The following ZNF614 variants were observed in gnomAD, a reference collection of about 807,000 sequenced individuals.
ZNF614 encodes zinc finger protein 614.
ZNF614 carries 11 observed loss-of-function variants against 12.8 expected under a neutral mutation model. The observed-to-expected ratio is 0.86, with a 90% confidence interval of 0.54 to 1.43. The LOEUF is 1.43. ZNF614 is among the 40% of genes most tolerant of loss of function. The pLI, the probability that ZNF614 is intolerant of heterozygous loss-of-function variation, is 0.00. For missense variants in ZNF614, 664 were observed against 708.8 expected, an observed-to-expected ratio of 0.94 and a Z score of 0.72; for synonymous variants, 237 against 237.5, an observed-to-expected ratio of 1.00 and a Z score of 0.02.
intron 2 of ZNF614, among the ~76,000 whole-genome samples, chr19:52,022,029 G>A (rs2086935701): frequency 6.6e-6 from 1 of 152,158 alleles, no homozygotes; most frequent in Non-Finnish European, 1.5e-5. Flanking sequence ...ACTGGTGAAT[G>A]GGAAAATGCA....
At position 52,025,860 on chromosome 19, in the gene ZNF614, A is replaced by T. The variant is rs1330106448; in HGVS notation, c.-115T>A. The T allele has an allele frequency of 9.1e-7, 1 of 1,103,904 alleles. No homozygotes were observed. The highest frequency in any genetic ancestry group is 1.3e-6 in the Non-Finnish European group (1 of 752,738). The allele number at this position is 1,103,904 out of a possible 1,614,324, so 68.4% of individuals were successfully genotyped here. On this transcript the variant is annotated 5_prime_UTR_variant, in exon 2 of 5. Transcript: ENST00000270649. ...GTCAGAAATATTAGTGTCCACTTAA[A>T]GTTGTCCCCAGAAATTATGATATCC...
rs148404144 is a variant in ZNF614 at position 52,020,212 on chromosome 19, A to G, written c.16-1718T>C. On this transcript the variant is annotated intron_variant, in intron 2 of 4. Coordinates refer to ENST00000270649, the MANE Select transcript of ZNF614 (RefSeq NM_025040.4). ...TGCCCTCACTTCAGACACAAGCTGCAAGCTTAAGGCTACACAGACCACCCT... is the reference window on the plus strand; with the variant it reads ...TGCCCTCACTTCAGACACAAGCTGCGAGCTTAAGGCTACACAGACCACCCT... Among the ~76,000 whole-genome samples, 144 of 152,330 alleles carry G rather than the reference A, an allele frequency of 9.5e-4. 1 individual carries two copies. In the East Asian group the frequency reaches 0.022, roughly 23 times the overall value.
At chr19:52,018,521 T>A (rs150698225) in intron 2 of ZNF614, 27 bp from the exon 3 acceptor site, 281 of 1,602,000 alleles carry the variant, frequency 1.8e-4, no homozygotes, top group Non-Finnish European at 2.4e-4. Context: ...CTATTCAATA[T>A]GATATAAACT....
intron 1 of ZNF614, among the ~76,000 whole-genome samples, chr19:52,026,345 A>G (rs769551792): frequency 7.2e-5 from 11 of 152,172 alleles, no homozygotes; most frequent in Non-Finnish European, 1.3e-4. Flanking sequence ...CCTAGCTCCA[A>G]CCCTATGCTA....
Position 52,014,707 on chromosome 19 carries a change from C to G in ZNF614, c.*1133G>C, listed in dbSNP as rs1247900931. 4 of 152,138 alleles carry G rather than the reference C, an allele frequency of 2.6e-5. No individual in the cohort carries two copies. The highest frequency in any genetic ancestry group is 1.9e-4 in the East Asian group (1 of 5,192). 9.4% of individuals were successfully genotyped at this position (152,138 alleles called of 1,614,324 possible). On this transcript the variant is annotated 3_prime_UTR_variant, in exon 5 of 5. Transcript: ENST00000270649. ...TCTTAATCTCATTGTCTAATCTAAT[C>G]TCCAGCACCCCTCCCCTTCCAGGAG...
chr19:52,023,389 G>A (rs996044789), intron 2 of ZNF614, among the ~76,000 whole-genome samples: 15 of 151,920 alleles, frequency 9.9e-5, no homozygotes, highest in African/African-American at 9.7e-5. Context: ...GGATGGTCTC[G>A]ATCTCTTGAC....
chr19:52,020,520 C>T (rs1266907132), intron 2 of ZNF614, among the ~76,000 whole-genome samples: 1 of 152,154 alleles, frequency 6.6e-6, no homozygotes. Context: ...AGAGTACTTG[C>T]CAGCCAGCGA....
At position 52,018,432 on chromosome 19, in the gene ZNF614, G is replaced by A; in HGVS notation, c.78C>T (p.Asp26=). 1 of 1,614,138 alleles carries A rather than the reference G, an allele frequency of 6.2e-7. No homozygotes were observed. The highest frequency in any genetic ancestry group is 8.5e-7 in the Non-Finnish European group (1 of 1,179,998). The change falls in exon 3 of 5, where the codon GAC becomes GAT. Residue 26 remains aspartate (D), a synonymous_variant. Transcript: ENST00000270649. ...EFSWEEWQLL[D]TAQKNLYRDV... ...CCCGGTACAGGTTCTTCTGAGCAGT[G>A]TCCAGGAGCTGCCACTCCTCCCAGC...
rs1263680821 is a variant in ZNF614, at chr19:52,025,551, T to C, written c.15+180A>G. 2.0e-5 allele frequency among the ~76,000 whole-genome samples: 3 copies of C among 152,152 alleles called. No homozygotes were observed. The East Asian group carries it at 5.8e-4, about 29-fold the overall frequency. ...GTTGCCCAGGCTGGTCTTGAACTCC[T>C]GAGCTCAAGCGATCCAGAATCTACT... On this transcript the variant is annotated intron_variant, in intron 2 of 4. Transcript: ENST00000270649.
chr19:52,023,127 C>T (rs1269341575), intron 2 of ZNF614, among the ~76,000 whole-genome samples: 8 of 149,426 alleles, frequency 5.4e-5, no homozygotes, highest in African/African-American at 1.2e-4. Flanking sequence ...ACAGCCTGGG[C>T]GACAGAGCGA....
At position 52,016,653 on chromosome 19, in the gene ZNF614, A is replaced by G. The variant is rs775707826; in HGVS notation, c.945T>C (p.Tyr315=). The G allele has an allele frequency of 1.6e-5, 26 of 1,614,160 alleles. No individual in the cohort carries two copies. Among genetic ancestry groups the G allele is most frequent in the East Asian group, 2.2e-5 (1 of 44,882 alleles). Residue 315 remains tyrosine (Y), a synonymous_variant, in exon 5 of 5, where the codon TAT becomes TAC. Transcript: ENST00000270649. ...HQRTHSGEKP[Y]VCKECGKGFT... The stretch of plus-strand genomic sequence containing the variant: ...AACCTTTTCCACATTCTTTGCACAC[A>G]TAAGGTTTCTCTCCACTATGAGTTC...
At chr19:52,023,644 G>T (rs2123127085) in intron 2 of ZNF614, among the ~76,000 whole-genome samples, 1 of 152,224 alleles carries the variant, frequency 6.6e-6, no homozygotes, top group East Asian at 1.9e-4. Flanking sequence ...TATTTCTCAG[G>T]AAGAAATTCC....
chr19:52,022,488 G>A (rs1029986550), intron 2 of ZNF614, among the ~76,000 whole-genome samples: 3 of 152,092 alleles, frequency 2.0e-5, no homozygotes, highest in Non-Finnish European at 4.4e-5. Flanking sequence ...CCCTCCAAGT[G>A]TGAAGTGACA....
At chr19:52,021,847 T>C (rs150429795) in intron 2 of ZNF614, among the ~76,000 whole-genome samples, 1 of 152,000 alleles carries the variant, frequency 6.6e-6, no homozygotes, top group Non-Finnish European at 1.5e-5. Flanking sequence ...AAAAGAGAAG[T>C]AAGACTCTAG....
At chr19:52,018,530 C>T (rs1209594830) in intron 2 of ZNF614, 36 bp from the exon 3 acceptor site, 3 of 1,583,918 alleles carry the variant, frequency 1.9e-6, no homozygotes, top group Non-Finnish European at 2.6e-6. Flanking sequence ...ATGATATAAA[C>T]TCCTATTGTT....
rs74934042 is a variant in ZNF614, at chr19:52,025,522, C to A, written c.15+209G>T. ...TATTTTTTGTAGAGACGGGGTTTCA[C>A]CATGTTGCCCAGGCTGGTCTTGAAC... On this transcript the variant is annotated intron_variant, in intron 2 of 4. Coordinates refer to ENST00000270649, the MANE Select transcript of ZNF614 (RefSeq NM_025040.4). Among the ~76,000 whole-genome samples the A allele has an allele frequency of 8.9e-4, 136 of 152,194 alleles. 3 individuals carry two copies. The East Asian group carries it at 0.025, about 28-fold the overall frequency.
chr19:52,016,000 T>C lies in ZNF614; in HGVS notation c.1598A>G (p.His533Arg), dbSNP rs538034597. 1.2e-5 allele frequency: 20 copies of C among 1,614,104 alleles called. No individual in the cohort carries two copies. The highest frequency in any genetic ancestry group is 2.7e-5 in the African/African-American group (2 of 74,942). The change falls in exon 5 of 5, where the codon CAT (histidine) becomes CGT (arginine). Residue 533 changes from histidine (H) to arginine (R), a missense_variant. By Grantham distance (29) the His-to-Arg change is conservative. Coordinates refer to ENST00000270649, the MANE Select transcript of ZNF614 (RefSeq NM_025040.4). ...KSVLNVHQRT[H>R]TGERPYGCSD... ...GCATCCATACGGCCTCTCTCCTGTA[T>C]GCGTTCTTTGATGTACATTGAGTAC...
rs2086903169 is a variant in ZNF614 at position 52,017,059 on chromosome 19, G to A, written c.539C>T (p.Ser180Phe). ...HERTHTKTRF[S>F]ENAKCIHTKF... The stretch of plus-strand genomic sequence containing the variant: ...AGTATGGATACATTTTGCATTTTCA[G>A]AAAATCTAGTTTTAGTATGCGTACG... Residue 180 changes from serine (S) to phenylalanine (F), a missense_variant, in exon 5 of 5, where the codon TCT becomes TTT. Ser to Phe is a radical substitution (Grantham distance 155, BLOSUM62 -2). Transcript: ENST00000270649. The A allele has an allele frequency of 6.2e-7, 1 of 1,614,100 alleles. No homozygotes were observed.
chr19:52,020,693 G>A (rs575594380), intron 2 of ZNF614, among the ~76,000 whole-genome samples: 3 of 152,226 alleles, frequency 2.0e-5, no homozygotes, highest in South Asian at 2.1e-4. Context: ...CACTTAGTGC[G>A]CTTTTTGGCA....
Sources: allele counts gnomAD v4.1 joint callset (sites outside exome capture counted in the v4.1 genomes callset), GRCh38; gene constraint gnomAD v4.1.1; transcripts MANE v1.5; gene names NCBI Gene and HGNC (gene_info 2026-07-23, HGNC 2026-07-21).